Variants in SAFB observed in about 807,000 individuals in gnomAD.
SAFB encodes the protein scaffold attachment factor B.
In SAFB, 15 loss-of-function variants were observed where a neutral mutation model predicts 101.6. That is an observed-to-expected ratio of 0.15 (90% CI 0.10 to 0.23). The LOEUF (loss-of-function observed/expected upper bound fraction) is 0.23, where lower values mean the gene tolerates loss of function less well. SAFB is among the 10% of genes least tolerant of loss of function. SAFB has a pLI of 1.00. For missense variants in SAFB, 930 were observed against 1,104.1 expected (o/e 0.84, Z 2.23); for synonymous variants, 449 against 407.5 (o/e 1.10, Z -1.23).
At chr19:5,642,959 GC>G (rs2053754889) in intron 4 of SAFB, among the ~76,000 whole-genome samples, 1 of 151,958 alleles carries the variant, frequency 6.6e-6, no homozygotes, top group Admixed American at 6.6e-5. Flanking sequence ...GAGCCACCGC[GC>G]CCAGCATGTG....
At chr19:5,637,919 A>G (rs185713739) in intron 2 of SAFB, among the ~76,000 whole-genome samples, 22 of 152,360 alleles carry the variant, frequency 1.4e-4, no homozygotes, top group Admixed American at 7.8e-4. Context: ...TATTCTTCAC[A>G]TGGAAGACAG....
rs959761007 is a variant in SAFB, at chr19:5,626,448, C to T, written c.233C>T (p.Thr78Ile). 2.5e-6 allele frequency: 4 copies of T among 1,610,674 alleles called. No individual in the cohort carries two copies. The highest frequency in any genetic ancestry group is 4.5e-5 in the East Asian group (2 of 44,856). ...GGTAATCCTGACGAAATTGAAATTA[C>T]CTCCGAGGGAAACAAGAAAACATCA... ...EGGNPDEIEI[T>I]SEGNKKTSKR... is the part of the protein sequence containing the mutation. Residue 78 changes from threonine to isoleucine, a missense_variant, in exon 2 of 21, where the codon ACC becomes ATC. By Grantham distance (89) the Thr-to-Ile change is moderately conservative. This residue lies in a region of SAFB where 119 missense variants were observed against 171.4 expected (regional missense o/e 0.69). Transcript: ENST00000588852.
intron 4 of SAFB, among the ~76,000 whole-genome samples, chr19:5,643,676 G>C (rs1291374817): frequency 6.6e-6 from 1 of 152,064 alleles, no homozygotes; most frequent in Non-Finnish European, 1.5e-5. Flanking sequence ...ATGCCTGGAA[G>C]CAGTTTAGTT....
chr19:5,655,102 C>T (rs1228083156), intron 13 of SAFB, among the ~76,000 whole-genome samples: 5 of 152,258 alleles, frequency 3.3e-5, no homozygotes, highest in Admixed American at 1.3e-4. Flanking sequence ...TGGCCCATCT[C>T]GCCAGCCTCC....
chr19:5,642,135 A>G (rs2053729926), intron 4 of SAFB, 189 bp downstream of exon 4: 9 of 672,288 alleles, frequency 1.3e-5, no homozygotes, highest in East Asian at 5.7e-5. Context: ...AACATTTCAT[A>G]TGTACTTGCT....
rs1025993254 is a variant in SAFB at position 5,633,507 on chromosome 19, C to T, written c.274+7018C>T. Among the ~76,000 whole-genome samples the T allele has an allele frequency of 2.0e-5, 3 of 152,238 alleles. No individual in the cohort carries two copies. The South Asian group carries it at 6.2e-4, about 32-fold the overall frequency. On this transcript the variant is annotated intron_variant, in intron 2 of 20. Coordinates refer to ENST00000588852, the MANE Select transcript of SAFB (RefSeq NM_001201338.2). ...AGAAACCAGGGTCTGCAGCCAGGCG[C>T]GGTGGCTCACGCCTGTAATCCCAGC...
intron 4 of SAFB, among the ~76,000 whole-genome samples, chr19:5,642,544 A>T (rs2053739816): frequency 6.6e-6 from 1 of 151,968 alleles, no homozygotes; most frequent in Non-Finnish European, 1.5e-5. Flanking sequence ...TTGTTTTTAA[A>T]CCTAAATTTT....
intron 17 of SAFB, 83 bp from the exon 18 acceptor site, chr19:5,666,963 C>A: frequency 1.2e-6 from 1 of 854,218 alleles, no homozygotes; most frequent in Non-Finnish European, 2.1e-6. Flanking sequence ...TCGTTGTCAT[C>A]GTTAGCATGT....
Position 5,667,919 on chromosome 19 carries a change from CT to C in SAFB, c.2624+34del. 6.4e-7 allele frequency: 1 copy of C among 1,571,706 alleles called. No individual in the cohort carries two copies. The highest frequency in any genetic ancestry group is 8.6e-7 in the Non-Finnish European group (1 of 1,158,078). ...ATGCTGGGGGCGGCGCCCCTTCCCC[CT>C]GCTTTGCATATTGGCCTACCTTGCT... is the stretch of plus-strand genomic sequence containing the variant. On this transcript the variant is annotated intron_variant, in intron 20 of 20. Coordinates refer to ENST00000588852, the MANE Select transcript of SAFB (RefSeq NM_001201338.2). This position sits in a 1 kb window ranked among gnomAD's most constrained non-coding sequence, Gnocchi z 4.0.
chr19:5,638,922 A>G (rs1599334553), intron 2 of SAFB, among the ~76,000 whole-genome samples: 1 of 151,898 alleles, frequency 6.6e-6, no homozygotes, highest in East Asian at 1.9e-4. Flanking sequence ...CGGTTTTGCC[A>G]TGTTGGCCAG....
In SAFB at chr19:5,653,261, G is replaced by A. The variant is rs1210344869; in HGVS notation, c.1440G>A (p.Glu480=). ...TELHGKMISV[E]KAKNEPVGKK... is the part of the protein sequence containing the mutation. ...TCCACGGAAAGATGATCTCCGTGGAGAAAGTGAGTGGCCGTTTTCTTCCCA... is the reference window on the plus strand; with the variant it reads ...TCCACGGAAAGATGATCTCCGTGGAAAAAGTGAGTGGCCGTTTTCTTCCCA... Residue 480 remains glutamate (E), a synonymous_variant, in exon 10 of 21, where the codon GAG becomes GAA. Coordinates refer to ENST00000588852, the MANE Select transcript of SAFB (RefSeq NM_001201338.2). 1.2e-6 allele frequency: 2 copies of A among 1,614,168 alleles called. No individual in the cohort carries two copies. The highest frequency in any genetic ancestry group is 2.2e-5 in the South Asian group (2 of 91,074).
At chr19:5,637,889 G>A (rs1479421168) in intron 2 of SAFB, among the ~76,000 whole-genome samples, 1 of 152,150 alleles carries the variant, frequency 6.6e-6, no homozygotes, top group East Asian at 1.9e-4. Context: ...TCTATTTCAT[G>A]GATTTCATGC....
rs73920032 is a variant in SAFB, at chr19:5,628,729, C to A, written c.274+2240C>A. Reference sequence around the variant, plus strand: ...GTGTTTGGGGTAAGTGCTGGGAGAACAGCAGAATGAAGTCACTTCTGTGGC... The same window carrying A: ...GTGTTTGGGGTAAGTGCTGGGAGAAAAGCAGAATGAAGTCACTTCTGTGGC... On this transcript the variant is annotated intron_variant, in intron 2 of 20. Coordinates refer to ENST00000588852, the MANE Select transcript of SAFB (RefSeq NM_001201338.2). Among the ~76,000 whole-genome samples, 1,160 of 152,304 alleles carry A rather than the reference C, an allele frequency of 7.6e-3. 24 individuals are homozygous for A. The highest frequency in any genetic ancestry group is 0.026 in the African/African-American group (1,100 of 41,564).
chr19:5,639,773 T>G (rs181279902), intron 2 of SAFB, among the ~76,000 whole-genome samples: 4 of 152,026 alleles, frequency 2.6e-5, no homozygotes, highest in Admixed American at 1.3e-4. Context: ...TGGGAAAATA[T>G]GTTTTGTACA....
intron 17 of SAFB, 87 bp from the exon 18 acceptor site, chr19:5,666,959 T>G: frequency 1.2e-6 from 1 of 840,294 alleles, no homozygotes; most frequent in South Asian, 1.3e-5. Flanking sequence ...ACTGTCGTTG[T>G]CATCGTTAGC....
intron 1 of SAFB, among the ~76,000 whole-genome samples, chr19:5,624,443 C>T (rs2053297929): frequency 6.6e-6 from 1 of 151,968 alleles, no homozygotes; most frequent in Admixed American, 6.6e-5. Flanking sequence ...CAAAGGGATC[C>T]CTAGGAAAAG....
chr19:5,664,631 C>A, intron 17 of SAFB, 192 bp downstream of exon 17: 1 of 561,104 alleles, frequency 1.8e-6, no homozygotes, highest in Admixed American at 2.9e-5. Flanking sequence ...GGCTGTCAGT[C>A]CAAACAGTTA....
At chr19:5,655,620 G>GA (rs2054041853) in intron 13 of SAFB, among the ~76,000 whole-genome samples, 1 of 152,110 alleles carries the variant, frequency 6.6e-6, no homozygotes, top group Admixed American at 6.6e-5. Context: ...TAAGGAAGGA[G>GA]AGGGACCTTG....
In SAFB at chr19:5,667,203, C is replaced by CCT. The variant is rs34525172; in HGVS notation, c.2453+39_2453+40insCT. On this transcript the variant is annotated intron_variant, in intron 18 of 20. Coordinates refer to ENST00000588852, the MANE Select transcript of SAFB (RefSeq NM_001201338.2). The surrounding 1 kb of genome is among the most constrained non-coding windows in gnomAD (Gnocchi z 4.0). ...ACCCGACAGTACCTGACCCCCCCCC[C>CCT]GCCCACAAGGGGGCCCGCAAGTCGC... 3.8e-6 allele frequency: 5 copies of CCT among 1,298,752 alleles called. No homozygotes were observed. The highest frequency in any genetic ancestry group is 3.0e-5 in the African/African-American group (2 of 67,280). 80.5% of individuals were successfully genotyped at this position (1,298,752 alleles called of 1,614,324 possible).
Sources: allele counts gnomAD v4.1 joint callset (sites outside exome capture counted in the v4.1 genomes callset), GRCh38; gene constraint gnomAD v4.1.1; regional missense constraint gnomAD v4.1.1; non-coding constraint Gnocchi (gnomAD v3.1); transcripts MANE v1.5; gene names NCBI Gene and HGNC (gene_info 2026-07-23, HGNC 2026-07-21).